HSDL2: variants seen among roughly 807,000 people sequenced by gnomAD.
The protein encoded by HSDL2 is hydroxysteroid dehydrogenase like 2.
HSDL2 carries 27 observed loss-of-function variants against 46.3 expected under a neutral mutation model. The ratio of observed to expected loss-of-function variants is 0.58; its 90% CI spans 0.43 to 0.80. HSDL2 has a LOEUF of 0.80. HSDL2 is among the 30% of genes least tolerant of loss of function. The pLI, the probability that HSDL2 is intolerant of heterozygous loss-of-function variation, is 0.00. For missense variants in HSDL2, 451 were observed against 502.7 expected (o/e 0.90, Z 0.98); for synonymous variants, 153 against 163.6 (o/e 0.94, Z 0.50).
intron 8 of HSDL2, among the ~76,000 whole-genome samples, chr9:112,443,164 C>G (rs1200636763): frequency 6.6e-6 from 1 of 152,152 alleles, no homozygotes; most frequent in Admixed American, 6.5e-5. Flanking sequence ...GCCCAACGCC[C>G]TAAGGTTGGA....
chr9:112,407,650 C>T (rs560508198), intron 3 of HSDL2, among the ~76,000 whole-genome samples: 38 of 152,288 alleles, frequency 2.5e-4, no homozygotes, highest in Admixed American at 2.2e-3. Flanking sequence ...CTCCTGACCT[C>T]AAGGGATCCA....
At chr9:112,470,392 A>C (rs1310092734) in intron 10 of HSDL2, 40 bp from the exon 11 acceptor site, 2 of 1,221,788 alleles carry the variant, frequency 1.6e-6, no homozygotes, top group Non-Finnish European at 2.4e-6. Flanking sequence ...CCCTAAGGGC[A>C]CTAATGGTTG....
intron 1 of HSDL2, among the ~76,000 whole-genome samples, chr9:112,402,416 G>A (rs991017274): frequency 1.3e-5 from 2 of 152,002 alleles, no homozygotes; most frequent in African/African-American, 4.8e-5. Context: ...AAAGTAACTG[G>A]GTATGGTGGT....
rs1831105600 is a variant in HSDL2 at position 112,381,857 on chromosome 9, C to G, written c.17+1677C>G. On this transcript the variant is annotated intron_variant, in intron 1 of 10. Coordinates refer to ENST00000398805, the MANE Select transcript of HSDL2 (RefSeq NM_032303.5). ...CAGTTTTTTGGATACTCTTTTTTTG[C>G]TTCCATAATTATACTTGTATTTATC... Among the ~76,000 whole-genome samples, 7 of 151,966 alleles carry G rather than the reference C, an allele frequency of 4.6e-5. No individual in the cohort carries two copies. The South Asian group carries it at 1.5e-3, about 32-fold the overall frequency.
intron 10 of HSDL2, among the ~76,000 whole-genome samples, chr9:112,467,731 C>CT (rs1424827136): frequency 6.6e-6 from 1 of 152,194 alleles, no homozygotes; most frequent in Non-Finnish European, 1.5e-5. Context: ...TTCCTGTACT[C>CT]TTCCCACAGC....
At chr9:112,385,123 C>CAAA (rs1831188204) in intron 1 of HSDL2, among the ~76,000 whole-genome samples, 1 of 151,504 alleles carries the variant, frequency 6.6e-6, no homozygotes, top group Admixed American at 6.6e-5. Context: ...ACAACAACAA[C>CAAA]AACAGAACCA....
intron 6 of HSDL2, 26 bp from the exon 7 acceptor site, chr9:112,438,405 T>C (rs761076322): frequency 6.8e-7 from 1 of 1,476,448 alleles, no homozygotes; most frequent in Admixed American, 2.3e-5. Context: ...GTTATGAGTG[T>C]ATGTGTGTGT....
At chr9:112,422,714 C>T (rs1832152630) in intron 6 of HSDL2, among the ~76,000 whole-genome samples, 1 of 152,092 alleles carries the variant, frequency 6.6e-6, no homozygotes, top group Admixed American at 6.6e-5. Context: ...GGAAACAGTT[C>T]CCTTGAGCTG....
chr9:112,390,705 G>A (rs1007380323), intron 1 of HSDL2, among the ~76,000 whole-genome samples: 1 of 151,852 alleles, frequency 6.6e-6, no homozygotes, highest in Non-Finnish European at 1.5e-5. Context: ...CTCCCATCAC[G>A]GCCTCCCAAA....
At chr9:112,383,470 A>ATT (rs10641655) in intron 1 of HSDL2, among the ~76,000 whole-genome samples, 45,517 of 151,852 alleles carry the variant, frequency 0.3, 7,046 homozygotes, top group Admixed American at 0.41. Context: ...TTATAGTCAG[A>ATT]TTTTTTTATC....
chr9:112,432,566 A>G (rs1832431913), intron 6 of HSDL2, among the ~76,000 whole-genome samples: 1 of 152,222 alleles, frequency 6.6e-6, no homozygotes, highest in African/African-American at 2.4e-5. Flanking sequence ...ATCAGGGAAT[A>G]TAGAGGGCAT....
chr9:112,419,901 G>T (rs922167440), intron 6 of HSDL2, among the ~76,000 whole-genome samples: 7 of 152,182 alleles, frequency 4.6e-5, no homozygotes, highest in African/African-American at 1.7e-4. Context: ...AAAAAGGAAA[G>T]CCTGTCTTTC....
chr9:112,387,751 G>A (rs923898140), intron 1 of HSDL2, among the ~76,000 whole-genome samples: 2 of 152,094 alleles, frequency 1.3e-5, no homozygotes, highest in African/African-American at 2.4e-5. Flanking sequence ...AAGTGAGTAC[G>A]GATGGACGTT....
intron 4 of HSDL2, among the ~76,000 whole-genome samples, chr9:112,415,277 A>T (rs2132637983): frequency 6.6e-6 from 1 of 152,356 alleles, no homozygotes; most frequent in Middle Eastern, 3.4e-3. Context: ...TAGAAGTACT[A>T]TGCCTATTAA....
intron 1 of HSDL2, among the ~76,000 whole-genome samples, chr9:112,396,681 C>T (rs1170320058): frequency 6.6e-6 from 1 of 152,062 alleles, no homozygotes; most frequent in Non-Finnish European, 1.5e-5. Flanking sequence ...CCCACCGAAC[C>T]TTGAGGTAAA....
intron 8 of HSDL2, among the ~76,000 whole-genome samples, chr9:112,445,173 TG>T (rs1175163389): frequency 1.3e-5 from 2 of 151,668 alleles, no homozygotes; most frequent in African/African-American, 4.8e-5. Context: ...GCTATGGCGC[TG>T]GGCCTATTTT....
At chr9:112,453,581 C>T (rs1266800426) in intron 8 of HSDL2, among the ~76,000 whole-genome samples, 3 of 151,928 alleles carry the variant, frequency 2.0e-5, no homozygotes. Context: ...TTTGTAGAGA[C>T]AGGGTTTCTC....
chr9:112,472,020 TTACAA>T lies in HSDL2; in HGVS notation c.*1481_*1485del, dbSNP rs1254793477. On this transcript the variant is annotated 3_prime_UTR_variant, in exon 11 of 11. Coordinates refer to ENST00000398805, the MANE Select transcript of HSDL2 (RefSeq NM_032303.5). ...ATTAACAAGCCCTCTAACAAAAACT[TTACAA>T]TACATTTATGTTGAATGGAACTCCA... is the stretch of plus-strand genomic sequence containing the variant. 3 of 152,092 alleles carry T rather than the reference TTACAA, an allele frequency of 2.0e-5. No individual in the cohort carries two copies. The highest frequency in any genetic ancestry group is 7.2e-5 in the African/African-American group (3 of 41,416). The allele number at this position is 152,092 out of a possible 1,614,324, so 9.4% of individuals were successfully genotyped here. A position where few individuals can be genotyped will look rare whatever the true frequency, so the allele number is the denominator to read the frequency against.
At chr9:112,446,109 TTA>T (rs2090441495) in intron 8 of HSDL2, among the ~76,000 whole-genome samples, 1 of 47,166 alleles carries the variant, frequency 2.1e-5, no homozygotes, top group Admixed American at 2.6e-4. Context: ...AGGCATCAGG[TTA>T]TTTTTTTTTT....
Sources: allele counts gnomAD v4.1 joint callset (sites outside exome capture counted in the v4.1 genomes callset), GRCh38; gene constraint gnomAD v4.1.1; transcripts MANE v1.5; gene names NCBI Gene and HGNC (gene_info 2026-07-23, HGNC 2026-07-21).